GRAMD4: variants seen among roughly 807,000 people sequenced by gnomAD.
GRAMD4 encodes the protein GRAM domain containing 4, also known as GRAM domain-containing protein 4.
In GRAMD4, 25 loss-of-function variants were observed where a neutral mutation model predicts 83.9. The observed-to-expected ratio is 0.30, with a 90% CI of 0.22 to 0.42. GRAMD4 has a LOEUF of 0.42. GRAMD4 is among the 10% of genes least tolerant of loss of function. The probability of loss-of-function intolerance (pLI) is 1.00; values close to 1 mark genes in which losing one functional copy is unlikely to be tolerated. For missense variants in GRAMD4, 593 were observed against 788.7 expected, an observed-to-expected ratio of 0.75 and a Z score of 2.97; for synonymous variants, 336 against 320.9, an observed-to-expected ratio of 1.05 and a Z score of -0.50.
At chr22:46,626,315 G>T (rs1306776745) in intron 1 of GRAMD4, among the ~76,000 whole-genome samples, 2 of 152,234 alleles carry the variant, frequency 1.3e-5, no homozygotes, top group African/African-American at 4.8e-5. Context: ...CAACCTTTTG[G>T]CATGGCTGGC....
At chr22:46,638,829 C>T (rs2081929881) in intron 3 of GRAMD4, among the ~76,000 whole-genome samples, 2 of 152,152 alleles carry the variant, frequency 1.3e-5, no homozygotes, top group African/African-American at 2.4e-5. Flanking sequence ...GGCTTACGAC[C>T]GGGGTGCACA....
intron 3 of GRAMD4, among the ~76,000 whole-genome samples, chr22:46,647,741 C>T (rs2082091992): frequency 6.6e-6 from 1 of 152,276 alleles, no homozygotes; most frequent in Non-Finnish European, 1.5e-5. Context: ...ATCCCAGCTC[C>T]CTGGCCTCAC....
chr22:46,652,373 C>A (rs1282042976), intron 3 of GRAMD4, among the ~76,000 whole-genome samples: 1 of 152,184 alleles, frequency 6.6e-6, no homozygotes, highest in Non-Finnish European at 1.5e-5. Flanking sequence ...CTTCCCGGAG[C>A]CTGCAGAAGG....
At chr22:46,618,458 T>C (rs564772458), upstream of GRAMD4, among the ~76,000 whole-genome samples, 1 of 151,532 alleles carries the variant, frequency 6.6e-6, no homozygotes, top group Admixed American at 6.6e-5. The surrounding 1 kb of genome is among the most constrained non-coding windows in gnomAD (Gnocchi z 5.8). Flanking sequence ...GGCCCTGCAG[T>C]GGGGACAGAG....
At chr22:46,668,075 C>G (rs954458378) in intron 10 of GRAMD4, 21 bp from the exon 11 acceptor site, 1 of 1,557,274 alleles carries the variant, frequency 6.4e-7, no homozygotes, top group East Asian at 2.2e-5. Context: ...GTGGAAAATT[C>G]TCTTTCCCCT....
chr22:46,635,635 G>A (rs56245175), intron 2 of GRAMD4, among the ~76,000 whole-genome samples: 7 of 109,970 alleles, frequency 6.4e-5, no homozygotes, highest in African/African-American at 3.3e-4. Context: ...CCTGTCCTGG[G>A]GGACCGTGTC....
chr22:46,644,870 C>G (rs2082050147), intron 3 of GRAMD4, among the ~76,000 whole-genome samples: 1 of 130,992 alleles, frequency 7.6e-6, no homozygotes, highest in Admixed American at 8.4e-5. Flanking sequence ...GTAGCAGGGA[C>G]TATAGGCACA....
At chr22:46,617,583 T>G (rs968746342), upstream of GRAMD4, among the ~76,000 whole-genome samples, 91 of 152,246 alleles carry the variant, frequency 6.0e-4, 1 homozygote, top group Non-Finnish European at 8.8e-5. Context: ...AACCAGCTCC[T>G]TCCTCCCCAG....
At position 46,659,046 on chromosome 22, in the gene GRAMD4, C is replaced by T. The variant is rs1402610621; in HGVS notation, c.404+739C>T. Among the ~76,000 whole-genome samples the T allele has an allele frequency of 1.3e-5, 2 of 152,168 alleles. No individual in the cohort carries two copies. Among genetic ancestry groups the T allele is most frequent in the Admixed American group, 6.5e-5 (1 of 15,290 alleles). ...CAGTGCCCTCCTGTCTCGCTAACAC[C>T]ACGAGGCTCCGTGTCCCTCTGCACA... On this transcript the variant is annotated intron_variant, in intron 4 of 18. Transcript: ENST00000406902. This position sits in a 1 kb window ranked among gnomAD's most constrained non-coding sequence, Gnocchi z 4.1.
intron 1 of GRAMD4, among the ~76,000 whole-genome samples, chr22:46,599,878 A>G (rs1033515291): frequency 2.0e-5 from 3 of 151,862 alleles, no homozygotes; most frequent in African/African-American, 7.2e-5. Flanking sequence ...GACCATCGGA[A>G]GGCTTTCCCC....
At chr22:46,643,117 ATCCATGCATCCATCCATGCATCCT>A (rs1333687758) in intron 3 of GRAMD4, among the ~76,000 whole-genome samples, 8 of 144,098 alleles carry the variant, frequency 5.6e-5, no homozygotes, top group African/African-American at 1.3e-4. Context: ...CCATCCATCC[ATCCATGCATCCATCCATGCATCCT>A]TCCATCCATC....
In GRAMD4 at chr22:46,659,069, A is replaced by C. The variant is rs1480223054; in HGVS notation, c.404+762A>C. ...ACCACGAGGCTCCGTGTCCCTCTGC[A>C]CAAGTTCAAACTGGTGCCTGGTACA... is the stretch of plus-strand genomic sequence containing the variant. On this transcript the variant is annotated intron_variant, in intron 4 of 18. Transcript: ENST00000406902. The surrounding 1 kb of genome is among the most constrained non-coding windows in gnomAD (Gnocchi z 4.1). Among the ~76,000 whole-genome samples the C allele has an allele frequency of 1.3e-5, 2 of 152,106 alleles. No homozygotes were observed. Among genetic ancestry groups the C allele is most frequent in the Admixed American group, 1.3e-4 (2 of 15,284 alleles).
upstream of GRAMD4, among the ~76,000 whole-genome samples, chr22:46,576,572 G>A (rs1248243496): frequency 6.6e-6 from 1 of 152,232 alleles, no homozygotes; most frequent in East Asian, 1.9e-4. Flanking sequence ...GGGCGCGCCA[G>A]GTACTGCGCG....
At chr22:46,588,666 C>G (rs2081175618) in intron 1 of GRAMD4, among the ~76,000 whole-genome samples, 1 of 152,176 alleles carries the variant, frequency 6.6e-6, no homozygotes, top group South Asian at 2.1e-4. Context: ...CTGCGGGGTG[C>G]CCACCCTTTC....
At chr22:46,606,636 A>AGCATGTCTGCATGGGCTTATGGCC (rs2081368174) in intron 1 of GRAMD4, among the ~76,000 whole-genome samples, 2 of 86,978 alleles carry the variant, frequency 2.3e-5, no homozygotes, top group African/African-American at 7.5e-5. Context: ...GGCTTATGGC[A>AGCATGTCTGCATGGGCTTATGGCC]GGTGCTGAGC....
chr22:46,617,561 T>G (rs1391846741), upstream of GRAMD4, among the ~76,000 whole-genome samples: 3 of 151,982 alleles, frequency 2.0e-5, no homozygotes, highest in East Asian at 5.8e-4. Flanking sequence ...CTGTGTTGGG[T>G]CCTTAAACAT....
At chr22:46,616,102 T>TGTG (rs2081486563), upstream of GRAMD4, among the ~76,000 whole-genome samples, 3 of 76,948 alleles carry the variant, frequency 3.9e-5, no homozygotes, top group African/African-American at 1.1e-4. Flanking sequence ...AGGTTCCCCC[T>TGTG]TGTGTAGGTT....
intron 2 of GRAMD4, among the ~76,000 whole-genome samples, chr22:46,633,583 G>A (rs58960684): frequency 0.048 from 7,292 of 152,294 alleles, 560 homozygotes; most frequent in African/African-American, 0.17. Flanking sequence ...TGCTTTCTCC[G>A]TGGGTTGGCG....
At chr22:46,577,210 G>A (rs1469075461) in exon 1 of GRAMD4, 2 of 869,120 alleles carry the variant, frequency 2.3e-6, no homozygotes, top group South Asian at 5.3e-5. Context: ...CCGGGCGGGC[G>A]GCAGGCGTAG....
Sources: allele counts gnomAD v4.1 joint callset (sites outside exome capture counted in the v4.1 genomes callset), GRCh38; gene constraint gnomAD v4.1.1; non-coding constraint Gnocchi (gnomAD v3.1); transcripts MANE v1.5; gene names NCBI Gene and HGNC (gene_info 2026-07-23, HGNC 2026-07-21).